CCDC149: variants seen among roughly 807,000 people sequenced by gnomAD.
CCDC149 encodes the protein coiled-coil domain containing 149.
CCDC149 carries 45 observed loss-of-function variants against 59.9 expected under a neutral mutation model. That is an observed-to-expected ratio of 0.75 (90% CI 0.59 to 0.96). CCDC149 has a LOEUF of 0.96. CCDC149 is among the 40% of genes least tolerant of loss of function. The probability of loss-of-function intolerance (pLI) is 0.00; values close to 1 mark genes in which losing one functional copy is unlikely to be tolerated. For synonymous variants in CCDC149, 245 were observed against 260.6 expected, an observed-to-expected ratio of 0.94 and a Z score of 0.58; for missense variants, 584 against 664.7, an observed-to-expected ratio of 0.88 and a Z score of 1.33.
chr4:24,889,176 T>C (rs969890775), intron 1 of CCDC149, among the ~76,000 whole-genome samples: 3 of 152,314 alleles, frequency 2.0e-5, no homozygotes, highest in South Asian at 2.1e-4. Flanking sequence ...TCCTTTCACT[T>C]CTCTTATTTC....
Position 24,901,356 on chromosome 4 carries a change from T to C in CCDC149, c.63+11461A>G, listed in dbSNP as rs190225316. Among the ~76,000 whole-genome samples, 23 of 152,294 alleles carry C rather than the reference T, an allele frequency of 1.5e-4. No homozygotes were observed. In the East Asian group the frequency reaches 2.1e-3, roughly 14 times the overall value. ...TACTGGTGGAAAACCAGGCAGTGAG[T>C]AGTAAATGTCATTCACTCTGGTCAT... On this transcript the variant is annotated intron_variant, in intron 1 of 12. Coordinates refer to ENST00000635206, the MANE Select transcript of CCDC149 (RefSeq NM_001330643.2).
Position 24,970,337 on chromosome 4 carries a change from A to G in CCDC149, c.-65+9732T>C, listed in dbSNP as rs543453326. Among the ~76,000 whole-genome samples the G allele has an allele frequency of 1.2e-4, 19 of 152,288 alleles. No individual in the cohort carries two copies. In the East Asian group the frequency reaches 3.3e-3, roughly 26 times the overall value. On this transcript the variant is annotated intron_variant, in intron 1 of 12. Transcript: ENST00000389609. ...ATTCAGCATCTGCAGACAACTGCAC[A>G]TGGCTGGAGACTTGGACACCTGTGG...
At chr4:24,950,873 G>A (rs1409820144) in intron 1 of CCDC149, among the ~76,000 whole-genome samples, 1 of 152,160 alleles carries the variant, frequency 6.6e-6, no homozygotes, top group Non-Finnish European at 1.5e-5. Flanking sequence ...CCTGGCCAAC[G>A]TGGCCACAGG....
chr4:24,843,370 C>T (rs1171856923), intron 4 of CCDC149, among the ~76,000 whole-genome samples: 1 of 152,196 alleles, frequency 6.6e-6, no homozygotes. Flanking sequence ...ATTAAACATT[C>T]ATCCGGAGTG....
At chr4:24,916,251 T>C (rs1267700579), upstream of CCDC149, among the ~76,000 whole-genome samples, 1 of 152,220 alleles carries the variant, frequency 6.6e-6, no homozygotes, top group African/African-American at 2.4e-5. Context: ...TGTGCACCTA[T>C]AGTGTTAGAA....
chr4:24,806,293 G>C lies in CCDC149; in HGVS notation c.*2096C>G, dbSNP rs1261245191. The C allele has an allele frequency of 6.6e-6, 1 of 152,110 alleles. No individual in the cohort carries two copies. 9.4% of individuals were successfully genotyped at this position (152,110 alleles called of 1,614,324 possible). A position where few individuals can be genotyped will look rare whatever the true frequency, so the allele number is the denominator to read the frequency against. ...CTGATAACATAAGACCCTCCCCGCT[G>C]ACTACACACAGTTTAGGTTATCACT... On this transcript the variant is annotated 3_prime_UTR_variant, in exon 13 of 13. Transcript: ENST00000635206.
intron 3 of CCDC149, among the ~76,000 whole-genome samples, chr4:24,862,201 C>T (rs1718428583): frequency 6.6e-6 from 1 of 152,194 alleles, no homozygotes; most frequent in African/African-American, 2.4e-5. Context: ...GTGATAATAC[C>T]TGCTGTGGCT....
chr4:24,838,860 C>A lies in CCDC149; in HGVS notation c.373-588G>T, dbSNP rs140884453. ...TTTAGCAAACTACAGTGCAACCAAC[C>A]AAGTGGCTAATTTGCAGCTGTCTGA... is the stretch of plus-strand genomic sequence containing the variant. On this transcript the variant is annotated intron_variant, in intron 4 of 12. Coordinates refer to ENST00000635206, the MANE Select transcript of CCDC149 (RefSeq NM_001330643.2). Among the ~76,000 whole-genome samples, 8 of 151,728 alleles carry A rather than the reference C, an allele frequency of 5.3e-5. No individual in the cohort carries two copies. The East Asian group carries it at 1.5e-3, about 29-fold the overall frequency.
chr4:24,894,583 C>T (rs1290698392), intron 1 of CCDC149, among the ~76,000 whole-genome samples: 1 of 152,068 alleles, frequency 6.6e-6, no homozygotes, highest in Non-Finnish European at 1.5e-5. Context: ...AACCCAGGTG[C>T]TTAAATTGTC....
chr4:24,912,854 T>G lies in CCDC149; in HGVS notation c.26A>C (p.Asp9Ala). ...CCCCTGCCAGTCGCTCTCAGTCCGG[T>G]CGCCGTTCATGGCCTCCTCCTCCAT... Residue 9 changes from aspartate (D) to alanine (A), a missense_variant, in exon 1 of 13, where the codon GAC becomes GCC. Transcript: ENST00000635206. 6 of 1,377,576 alleles carry G rather than the reference T, an allele frequency of 4.4e-6. No individual in the cohort carries two copies. The highest frequency in any genetic ancestry group is 4.8e-6 in the Non-Finnish European group (5 of 1,051,214). The allele number at this position is 1,377,576 out of a possible 1,614,324, so 85.3% of individuals were successfully genotyped here. A position where few individuals can be genotyped will look rare whatever the true frequency, so the allele number is the denominator to read the frequency against.
At chr4:24,905,528 T>C (rs1721446725) in intron 1 of CCDC149, among the ~76,000 whole-genome samples, 2 of 151,506 alleles carry the variant, frequency 1.3e-5, no homozygotes, top group Non-Finnish European at 2.9e-5. Flanking sequence ...CTCCACCTAC[T>C]GGGTTCAAGT....
intron 8 of CCDC149, among the ~76,000 whole-genome samples, 194 bp from the exon 9 acceptor site, chr4:24,831,844 T>G (rs1716174522): frequency 6.6e-6 from 1 of 152,236 alleles, no homozygotes. Context: ...AGGAGGAAGT[T>G]CTCAGGACTT....
intron 8 of CCDC149, among the ~76,000 whole-genome samples, chr4:24,833,793 G>T (rs1215260971): frequency 6.6e-6 from 1 of 152,142 alleles, no homozygotes; most frequent in Non-Finnish European, 1.5e-5. Context: ...ATTGTTTTTT[G>T]TTGGTTCAAA....
At chr4:24,969,556 G>A (rs915051396) in intron 1 of CCDC149, among the ~76,000 whole-genome samples, 1 of 152,206 alleles carries the variant, frequency 6.6e-6, no homozygotes, top group Admixed American at 6.5e-5. Flanking sequence ...ACCCTCATAT[G>A]TCACACCCCT....
chr4:24,835,550 C>A (rs1030503610), intron 7 of CCDC149, among the ~76,000 whole-genome samples: 3 of 152,172 alleles, frequency 2.0e-5, no homozygotes, highest in African/African-American at 7.2e-5. Context: ...TAGCATCTAG[C>A]CAGTGCTTGG....
intron 1 of CCDC149, among the ~76,000 whole-genome samples, chr4:24,964,308 TC>T (rs1022718752): frequency 1.2e-4 from 18 of 151,004 alleles, no homozygotes; most frequent in Non-Finnish European, 1.5e-4. Context: ...CAGGATAGAA[TC>T]AATGAACCTA....
intron 1 of CCDC149, among the ~76,000 whole-genome samples, chr4:24,977,673 A>G (rs1414629111): frequency 6.6e-6 from 1 of 152,212 alleles, no homozygotes; most frequent in East Asian, 1.9e-4. Context: ...TGCTACCCCT[A>G]AAGAGGATAA....
chr4:24,935,369 T>C (rs1417124606), intron 1 of CCDC149, among the ~76,000 whole-genome samples: 1 of 152,206 alleles, frequency 6.6e-6, no homozygotes, highest in Non-Finnish European at 1.5e-5. Context: ...ATATTTTAAA[T>C]AATTCAAGGG....
rs60585956 is a variant in CCDC149, at chr4:24,931,829, G to GTATATATATGTATA, written c.-64-36712_-64-36711insTATACATATATATA. On this transcript the variant is annotated intron_variant, in intron 1 of 12. Coordinates refer to the CCDC149 transcript ENST00000389609. ...CTCCCTTATATTGTATGGAGAGTATGTATATATATATATATATATATATGC... is the reference window on the plus strand; with the variant it reads ...CTCCCTTATATTGTATGGAGAGTATGTATATATATGTATATATATATATATATATATATATATGC... Among the ~76,000 whole-genome samples the GTATATATATGTATA allele has an allele frequency of 3.4e-4, 26 of 76,922 alleles. 1 individual carries two copies. The highest frequency in any genetic ancestry group is 9.1e-4 in the South Asian group (2 of 2,202). 50.5% of individuals were successfully genotyped at this position (76,922 alleles called of 152,430 possible).
Sources: gnomAD v4.1 joint callset for allele counts (sites outside exome capture counted in the v4.1 genomes callset) on GRCh38, gnomAD v4.1.1 for gene constraint, MANE v1.5 for transcripts, NCBI Gene and HGNC (gene_info 2026-07-23, HGNC 2026-07-21) for gene names.